LEKR1: variants seen among roughly 807,000 people sequenced by gnomAD.
LEKR1 encodes the protein leucine, glutamate and lysine rich 1.
LEKR1 carries 59 observed loss-of-function variants against 72.4 expected under a neutral mutation model. The ratio of observed to expected loss-of-function variants is 0.82; its 90% CI spans 0.66 to 1.01. LEKR1 has a LOEUF of 1.01. Ranked by LOEUF, LEKR1 falls within the 50% of genes least tolerant of loss-of-function variation. The pLI, the probability that LEKR1 is intolerant of heterozygous loss-of-function variation, is 0.00. For synonymous variants in LEKR1, 257 were observed against 263.2 expected (o/e 0.98, Z 0.23); for missense variants, 728 against 759.2 (o/e 0.96, Z 0.48).
chr3:156,916,237 A>G (rs1053725720), intron 3 of LEKR1, among the ~76,000 whole-genome samples: 1 of 151,406 alleles, frequency 6.6e-6, no homozygotes, highest in African/African-American at 2.4e-5. Flanking sequence ...TGCTTTGTCT[A>G]TTTGGGCTCT....
At chr3:156,895,999 G>T (rs1204406844) in intron 3 of LEKR1, among the ~76,000 whole-genome samples, 1 of 152,184 alleles carries the variant, frequency 6.6e-6, no homozygotes, top group East Asian at 1.9e-4. Context: ...AAAATGTGGT[G>T]CACGTACACT....
chr3:156,880,849 T>A (rs571317019), intron 3 of LEKR1, among the ~76,000 whole-genome samples: 1 of 152,118 alleles, frequency 6.6e-6, no homozygotes, highest in African/African-American at 2.4e-5. Flanking sequence ...GTTCAATATA[T>A]GCAAATCAAT....
intron 6 of LEKR1, among the ~76,000 whole-genome samples, chr3:156,976,420 A>G (rs1346498422): frequency 6.6e-6 from 1 of 152,156 alleles, no homozygotes; most frequent in East Asian, 1.9e-4. Context: ...ACCAGGGGCC[A>G]TTTAATAGTA....
At chr3:156,867,786 G>C (rs575868761) in intron 3 of LEKR1, among the ~76,000 whole-genome samples, 2 of 152,040 alleles carry the variant, frequency 1.3e-5, no homozygotes, top group East Asian at 3.9e-4. Context: ...ATCTGCCCTT[G>C]TATTACCCAC....
intron 3 of LEKR1, among the ~76,000 whole-genome samples, chr3:156,914,184 T>C (rs58895069): frequency 0.049 from 7,410 of 152,200 alleles, 659 homozygotes; most frequent in African/African-American, 0.17. Context: ...AAAAAAATAT[T>C]TTAAGTTCTG....
In LEKR1 at chr3:156,992,731, G is replaced by A. The variant is rs989797211; in HGVS notation, c.905+1G>A. On this transcript the variant is annotated splice_donor_variant, in intron 8 of 12. Transcript: ENST00000356539. LOFTEE classifies it high-confidence loss of function. ...TTGAATCCATTATTTCTGAGTCACA[G>A]TATGCATTACCAATTTTTAAATTTA... The A allele has an allele frequency of 3.4e-6, 3 of 872,966 alleles. No individual in the cohort carries two copies. The highest frequency in any genetic ancestry group is 4.4e-6 in the Non-Finnish European group (3 of 681,498). The allele number at this position is 872,966 out of a possible 1,614,324, so 54.1% of individuals were successfully genotyped here.
intron 3 of LEKR1, among the ~76,000 whole-genome samples, chr3:156,890,275 C>T (rs1413907342): frequency 3.9e-5 from 6 of 152,042 alleles, no homozygotes; most frequent in Non-Finnish European, 2.9e-5. Flanking sequence ...TGAACTAACT[C>T]ATTTATTTAA....
chr3:157,045,205 G>A (rs1006064699), intron 12 of LEKR1, 135 bp from the exon 13 acceptor site: 1 of 663,360 alleles, frequency 1.5e-6, no homozygotes, highest in East Asian at 2.7e-5. Flanking sequence ...TGTCCCATGA[G>A]GTAGAGTGTC....
chr3:156,831,938 C>T (rs1049088466), intron 2 of LEKR1, among the ~76,000 whole-genome samples: 1 of 152,158 alleles, frequency 6.6e-6, no homozygotes. Context: ...TTTAATCCCC[C>T]TCCTTTGGGT....
chr3:157,034,890 G>A (rs2108042489), intron 12 of LEKR1, among the ~76,000 whole-genome samples: 1 of 152,122 alleles, frequency 6.6e-6, no homozygotes, highest in Middle Eastern at 3.4e-3. Flanking sequence ...TCAGCTCACT[G>A]CAACTTCTGC....
chr3:156,913,915 C>T (rs1385819278), intron 3 of LEKR1, among the ~76,000 whole-genome samples: 1 of 152,098 alleles, frequency 6.6e-6, no homozygotes, highest in Non-Finnish European at 1.5e-5. Flanking sequence ...AAAATAAATA[C>T]TCATTTACAC....
At chr3:156,944,212 A>G (rs1726480491) in intron 6 of LEKR1, among the ~76,000 whole-genome samples, 2 of 151,734 alleles carry the variant, frequency 1.3e-5, no homozygotes, top group South Asian at 2.1e-4. Flanking sequence ...TAATACATAT[A>G]GAATTTATTT....
chr3:156,987,569 A>G (rs149209221), intron 7 of LEKR1, among the ~76,000 whole-genome samples: 1 of 152,362 alleles, frequency 6.6e-6, no homozygotes, highest in East Asian at 1.9e-4. Context: ...ATACAAGGAT[A>G]TACAAAAAAG....
intron 3 of LEKR1, among the ~76,000 whole-genome samples, chr3:156,877,249 T>A (rs1040220679): frequency 2.6e-5 from 4 of 152,202 alleles, no homozygotes. Flanking sequence ...TATTTTTGCA[T>A]CTATGTCCAT....
intron 6 of LEKR1, among the ~76,000 whole-genome samples, chr3:156,975,770 G>A (rs1376753495): frequency 6.6e-6 from 1 of 152,110 alleles, no homozygotes; most frequent in Non-Finnish European, 1.5e-5. Flanking sequence ...AAAGAACACA[G>A]TCACATCATA....
chr3:156,867,106 C>A (rs1053857214), intron 3 of LEKR1, among the ~76,000 whole-genome samples: 15 of 152,140 alleles, frequency 9.9e-5, no homozygotes, highest in Non-Finnish European at 1.8e-4. Context: ...AAATGAAATA[C>A]TTTATAAAAG....
chr3:157,033,751 A>G (rs148123574), intron 12 of LEKR1, among the ~76,000 whole-genome samples: 71 of 152,346 alleles, frequency 4.7e-4, no homozygotes, highest in Non-Finnish European at 6.5e-4. Context: ...ACAACCTTCT[A>G]TTGGAAGAAG....
At chr3:156,882,214 A>G (rs1719460330) in intron 3 of LEKR1, among the ~76,000 whole-genome samples, 1 of 152,098 alleles carries the variant, frequency 6.6e-6, no homozygotes, top group Admixed American at 6.5e-5. Context: ...GTGAACAGGC[A>G]ACCTACAAAA....
At chr3:156,916,230 T>G (rs55687414) in intron 3 of LEKR1, among the ~76,000 whole-genome samples, 10,821 of 152,162 alleles carry the variant, frequency 0.071, 489 homozygotes, top group African/African-American at 0.12. Flanking sequence ...TTAGAATTGC[T>G]TTGTCTATTT....
Sources: allele counts gnomAD v4.1 joint callset (sites outside exome capture counted in the v4.1 genomes callset), GRCh38; gene constraint gnomAD v4.1.1; transcripts MANE v1.5; gene names NCBI Gene and HGNC (gene_info 2026-07-23, HGNC 2026-07-21).